CAPRIN1: variants seen among roughly 807,000 people sequenced by gnomAD.
CAPRIN1 encodes caprin-1.
A neutral mutation model predicts 100.9 loss-of-function variants in CAPRIN1; 29 were observed. That is an observed-to-expected ratio of 0.29 (90% CI 0.21 to 0.39). The LOEUF (loss-of-function observed/expected upper bound fraction) is 0.39, where lower values mean the gene tolerates loss of function less well. Ranked by LOEUF, CAPRIN1 falls within the 10% of genes least tolerant of loss-of-function variation. The pLI is 1.00. For synonymous variants in CAPRIN1, 338 were observed against 307.5 expected (o/e 1.10, Z -1.04); for missense variants, 795 against 876.7 (o/e 0.91, Z 1.18).
chr11:34,068,233 T>C (rs1016772198), intron 2 of CAPRIN1, among the ~76,000 whole-genome samples: 6 of 152,228 alleles, frequency 3.9e-5, no homozygotes, highest in Admixed American at 2.6e-4. Context: ...TGTATTTGTA[T>C]GATGGCTGAA....
rs1385266988 is a variant in CAPRIN1, at chr11:34,101,234, C to T, written c.*1867C>T. On this transcript the variant is annotated 3_prime_UTR_variant, in exon 19 of 19. Transcript: ENST00000341394. ...GCAAATGAGTATTTTTTTGCTAGCA[C>T]CTCCCCTTGCGTGCTTTAAATGACA... is the stretch of plus-strand genomic sequence containing the variant. 1 of 152,146 alleles carries T rather than the reference C, an allele frequency of 6.6e-6. No individual in the cohort carries two copies. The highest frequency in any genetic ancestry group is 1.5e-5 in the Non-Finnish European group (1 of 68,020). 9.4% of individuals were successfully genotyped at this position (152,146 alleles called of 1,614,324 possible).
At chr11:34,069,410 A>T (rs954462373) in intron 2 of CAPRIN1, among the ~76,000 whole-genome samples, 1 of 152,034 alleles carries the variant, frequency 6.6e-6, no homozygotes, top group Non-Finnish European at 1.5e-5. Flanking sequence ...GGCCTCCCAA[A>T]ATGCTGGGAT....
chr11:34,079,546 A>G (rs1850969585), intron 6 of CAPRIN1, 82 bp from the exon 7 acceptor site: 5 of 1,147,576 alleles, frequency 4.4e-6, no homozygotes, highest in South Asian at 2.9e-5. Flanking sequence ...TTTAATCACA[A>G]TATTTTATAG....
intron 11 of CAPRIN1, among the ~76,000 whole-genome samples, chr11:34,086,634 A>G (rs981866992): frequency 1.1e-4 from 16 of 152,260 alleles, no homozygotes; most frequent in Non-Finnish European, 1.3e-4. Flanking sequence ...ATGTAGATAT[A>G]GAAAAATATA....
intron 2 of CAPRIN1, among the ~76,000 whole-genome samples, chr11:34,055,281 A>C (rs1214500201): frequency 3.3e-5 from 5 of 151,844 alleles, no homozygotes; most frequent in Non-Finnish European, 7.4e-5. Context: ...CTCCCGCTTC[A>C]GCCTCCTAAG....
chr11:34,071,329 C>T (rs933842466), intron 2 of CAPRIN1, among the ~76,000 whole-genome samples: 11 of 151,876 alleles, frequency 7.2e-5, no homozygotes, highest in Admixed American at 4.6e-4. Flanking sequence ...TTGGGGAGGC[C>T]GAGGCAGGTG....
Position 34,090,739 on chromosome 11 carries a change from T to G in CAPRIN1, c.1554+61T>G, listed in dbSNP as rs2134131266. 2.0e-6 allele frequency: 3 copies of G among 1,516,700 alleles called. No individual in the cohort carries two copies. The East Asian group carries it at 6.9e-5, about 35-fold the overall frequency. The allele number at this position is 1,516,700 out of a possible 1,614,324, so 94.0% of individuals were successfully genotyped here. ...TAATATGAATCATGGTAGATTTTCT[T>G]TTCTTTTTTAAAGGTCTTCATTTAA... On this transcript the variant is annotated intron_variant, in intron 14 of 18. Coordinates refer to ENST00000341394, the MANE Select transcript of CAPRIN1 (RefSeq NM_005898.5).
chr11:34,091,268 A>G (rs79181384), intron 14 of CAPRIN1, among the ~76,000 whole-genome samples: 2,530 of 152,338 alleles, frequency 0.017, 32 homozygotes, highest in Middle Eastern at 0.027. Context: ...TGTAAGTGGT[A>G]CTGCATCCAG....
chr11:34,100,076 T>C lies in CAPRIN1; in HGVS notation c.*709T>C, dbSNP rs569876318. The C allele has an allele frequency of 2.0e-5, 3 of 152,676 alleles. No homozygotes were observed. The highest frequency in any genetic ancestry group is 4.8e-5 in the African/African-American group (2 of 41,468). The allele number at this position is 152,676 out of a possible 1,614,324, so 9.5% of individuals were successfully genotyped here. ...CTTTTTGAAAAATATGCAACAAATA[T>C]GGGATGTAATCCGGATGGCCGCTTC... On this transcript the variant is annotated 3_prime_UTR_variant, in exon 19 of 19. Coordinates refer to ENST00000341394, the MANE Select transcript of CAPRIN1 (RefSeq NM_005898.5).
At chr11:34,052,834 A>C in intron 2 of CAPRIN1, 198 bp downstream of exon 2, 3 of 1,443,366 alleles carry the variant, frequency 2.1e-6, no homozygotes, top group Non-Finnish European at 2.7e-6. Flanking sequence ...TGGAAGAGGC[A>C]CTTGTCACCT....
rs780325369 is a variant in CAPRIN1 at position 34,102,025 on chromosome 11, T to C, written c.*2658T>C. Among the ~76,000 whole-genome samples, 3 of 152,210 alleles carry C rather than the reference T, an allele frequency of 2.0e-5. No homozygotes were observed. Among genetic ancestry groups the C allele is most frequent in the Non-Finnish European group, 4.4e-5 (3 of 68,020 alleles). ...TTTATTTCCAGATCCTAATAATTCCTAAAAAATATGGAAAAGTTTTTTTTC... is the reference window on the plus strand; with the variant it reads ...TTTATTTCCAGATCCTAATAATTCCCAAAAAATATGGAAAAGTTTTTTTTC... On this transcript the variant is annotated 3_prime_UTR_variant, in exon 19 of 19. Transcript: ENST00000341394.
At chr11:34,097,605 G>A (rs1442531750) in intron 17 of CAPRIN1, 93 bp from the exon 18 acceptor site, 1 of 1,419,108 alleles carries the variant, frequency 7.0e-7, no homozygotes, top group Non-Finnish European at 9.9e-7. Flanking sequence ...AAAGATTAAG[G>A]AAGAATTCTG....
intron 2 of CAPRIN1, among the ~76,000 whole-genome samples, chr11:34,064,616 TGTC>T (rs1850649832): frequency 6.6e-6 from 1 of 152,200 alleles, no homozygotes; most frequent in Non-Finnish European, 1.5e-5. Flanking sequence ...TTAGACCAAT[TGTC>T]GTAAGAGGCT....
At chr11:34,059,700 A>G (rs1175718022) in intron 2 of CAPRIN1, among the ~76,000 whole-genome samples, 4 of 152,126 alleles carry the variant, frequency 2.6e-5, no homozygotes, top group East Asian at 3.8e-4. Flanking sequence ...ACATAGAAAT[A>G]TCTGTAGCTT....
At chr11:34,075,205 G>A (rs541533780) in intron 4 of CAPRIN1, among the ~76,000 whole-genome samples, 7 of 152,164 alleles carry the variant, frequency 4.6e-5, no homozygotes, top group South Asian at 2.1e-4. Flanking sequence ...TGTTCTTGCA[G>A]CCTTCATCAT....
chr11:34,059,077 A>G (rs1469397412), intron 2 of CAPRIN1, among the ~76,000 whole-genome samples: 1 of 152,194 alleles, frequency 6.6e-6, no homozygotes, highest in African/African-American at 2.4e-5. Context: ...TTCTTTCACT[A>G]GCTCTACTAC....
At chr11:34,099,281 A>G (rs774148616) in intron 18 of CAPRIN1, 22 bp from the exon 19 acceptor site, 5 of 1,612,698 alleles carry the variant, frequency 3.1e-6, no homozygotes, top group Non-Finnish European at 3.4e-6. Flanking sequence ...AAGAAAAATC[A>G]AATGCCATTT....
At chr11:34,086,455 C>A in intron 11 of CAPRIN1, 42 bp downstream of exon 11, 1 of 1,128,454 alleles carries the variant, frequency 8.9e-7, no homozygotes, top group Non-Finnish European at 1.3e-6. Flanking sequence ...AAATATAAGG[C>A]CAGTACTTTC....
In CAPRIN1 at chr11:34,086,067, G is replaced by T. The variant is rs757774847; in HGVS notation, c.970G>T (p.Val324Leu). 7.4e-6 allele frequency: 12 copies of T among 1,612,980 alleles called. No homozygotes were observed. The South Asian group carries it at 1.2e-4, about 16-fold the overall frequency. Residue 324 changes from valine (V) to leucine (L), a missense_variant, in exon 10 of 19, where the codon GTA becomes TTA. By Grantham distance (32) the Val-to-Leu change is conservative. Coordinates refer to ENST00000341394, the MANE Select transcript of CAPRIN1 (RefSeq NM_005898.5). ...DEWTVETVEV[V>L]NSLQQQPQAA... The stretch of plus-strand genomic sequence containing the variant: ...AATCCTTTTTTTTCTACCTTAGGTG[G>T]TAAATTCACTCCAGCAGCAACCTCA...
Sources: gnomAD v4.1 joint callset for allele counts (sites outside exome capture counted in the v4.1 genomes callset) on GRCh38, gnomAD v4.1.1 for gene constraint, MANE v1.5 for transcripts, NCBI Gene and HGNC (gene_info 2026-07-23, HGNC 2026-07-21) for gene names.